Variants in HIVEP1 observed in about 807,000 individuals in gnomAD.
HIVEP1 encodes zinc finger protein 40.
A neutral mutation model predicts 180.0 loss-of-function variants in HIVEP1; 36 were observed. The ratio of observed to expected loss-of-function variants is 0.20; its 90% CI spans 0.15 to 0.26. The LOEUF is 0.26. Ranked by LOEUF, HIVEP1 falls within the 10% of genes least tolerant of loss-of-function variation. The probability of loss-of-function intolerance (pLI) is 1.00; values close to 1 mark genes in which losing one functional copy is unlikely to be tolerated. For synonymous variants in HIVEP1, 1,239 were observed against 1,239.0 expected (o/e 1.00, Z 0.00); for missense variants, 3,143 against 3,268.7 (o/e 0.96, Z 0.94).
chr6:12,198,718 G>T, the HIVEP1 span, among the ~76,000 whole-genome samples: 1 of 152,170 alleles, frequency 6.6e-6, no homozygotes, highest in Admixed American at 6.5e-5. Context: ...TCCTGAGGAG[G>T]CAACAACAGT....
At chr6:12,150,597 T>G (rs1759647555) in intron 7 of HIVEP1, among the ~76,000 whole-genome samples, 1 of 152,180 alleles carries the variant, frequency 6.6e-6, no homozygotes, top group Non-Finnish European at 1.5e-5. Flanking sequence ...ATAGAACACA[T>G]TATTACTCTT....
At chr6:12,071,836 T>A (rs944892626) in intron 2 of HIVEP1, among the ~76,000 whole-genome samples, 9 of 152,368 alleles carry the variant, frequency 5.9e-5, no homozygotes, top group African/African-American at 2.2e-4. Flanking sequence ...AGGGCATTTT[T>A]AGATGAGTTA....
intron 7 of HIVEP1, among the ~76,000 whole-genome samples, chr6:12,147,494 C>G (rs1759448943): frequency 6.6e-6 from 1 of 152,040 alleles, no homozygotes; most frequent in Admixed American, 6.6e-5. Context: ...AATCTGTGAC[C>G]CTTGAATTTT....
chr6:12,024,473 T>C (rs1768452460), intron 2 of HIVEP1, among the ~76,000 whole-genome samples: 1 of 152,220 alleles, frequency 6.6e-6, no homozygotes, highest in African/African-American at 2.4e-5. Flanking sequence ...ACCTACTTAA[T>C]ACAAAGCTTG....
At chr6:12,165,615 T>TA (rs774995320), downstream of HIVEP1, among the ~76,000 whole-genome samples, 31 of 152,258 alleles carry the variant, frequency 2.0e-4, no homozygotes, top group Non-Finnish European at 3.4e-4. Context: ...AGCCCCCAAT[T>TA]ACCAGTGCAG....
chr6:12,141,648 C>T (rs1461331568), intron 7 of HIVEP1, among the ~76,000 whole-genome samples: 2 of 110,912 alleles, frequency 1.8e-5, no homozygotes, highest in African/African-American at 7.1e-5. Context: ...CACATAGACT[C>T]AAAATAAAGG....
intron 2 of HIVEP1, among the ~76,000 whole-genome samples, chr6:12,033,468 G>T (rs62395280): frequency 0.15 from 22,451 of 152,134 alleles, 1,715 homozygotes; most frequent in Admixed American, 0.19. Flanking sequence ...ATCAAAGAAT[G>T]TACTGAGAAA....
chr6:12,195,330 T>C, the HIVEP1 span, among the ~76,000 whole-genome samples: 2 of 152,108 alleles, frequency 1.3e-5, no homozygotes, highest in South Asian at 2.1e-4. Flanking sequence ...TGCAGATAAA[T>C]ACATGAACAG....
rs369207886 is a variant in HIVEP1, at chr6:12,108,434, C to T, written c.95-11456C>T. On this transcript the variant is annotated intron_variant, in intron 3 of 8. Coordinates refer to ENST00000379388, the MANE Select transcript of HIVEP1 (RefSeq NM_002114.4). ...GTCAATGGGACTGGGCGCCATGGAG[C>T]AGGGGGCGGCGCTCATCGGGGAGGC... Among the ~76,000 whole-genome samples, 13 of 152,344 alleles carry T rather than the reference C, an allele frequency of 8.5e-5. No homozygotes were observed. The East Asian group carries it at 1.7e-3, about 20-fold the overall frequency.
chr6:12,046,845 C>CTCTGTGTGTGTGTGTGTGTGTGTG (rs1770155790), intron 2 of HIVEP1, among the ~76,000 whole-genome samples: 2 of 141,006 alleles, frequency 1.4e-5, no homozygotes, highest in Non-Finnish European at 1.5e-5. Context: ...TGCCACTACA[C>CTCTGTGTGTGTGTGTGTGTGTGTG]TGTGTGTGTG....
At chr6:12,143,859 A>G (rs1220507593) in intron 7 of HIVEP1, among the ~76,000 whole-genome samples, 1 of 152,230 alleles carries the variant, frequency 6.6e-6, no homozygotes. Flanking sequence ...AAGGAGAACT[A>G]CAAACCACTG....
intron 7 of HIVEP1, among the ~76,000 whole-genome samples, chr6:12,158,866 G>C (rs1469033204): frequency 6.6e-6 from 1 of 152,134 alleles, no homozygotes; most frequent in Admixed American, 6.5e-5. Flanking sequence ...GTAGTTCCTT[G>C]CCACTCCTCT....
chr6:12,200,933 C>CA, the HIVEP1 span, among the ~76,000 whole-genome samples: 1 of 152,190 alleles, frequency 6.6e-6, no homozygotes, highest in Admixed American at 6.5e-5. Context: ...CCTTGGCACA[C>CA]AACTTGACCT....
At chr6:12,109,132 A>C (rs1316549495) in intron 3 of HIVEP1, among the ~76,000 whole-genome samples, 2 of 150,996 alleles carry the variant, frequency 1.3e-5, no homozygotes, top group African/African-American at 4.9e-5. Flanking sequence ...GGCGCCTGCC[A>C]CCACGCCCGG....
chr6:12,171,331 G>A, the HIVEP1 span, among the ~76,000 whole-genome samples: 2 of 152,172 alleles, frequency 1.3e-5, no homozygotes, highest in African/African-American at 4.8e-5. Flanking sequence ...GGGATTACAG[G>A]CAGAGCCACT....
chr6:12,043,970 G>GTA (rs556497879), intron 2 of HIVEP1, among the ~76,000 whole-genome samples: 300 of 150,126 alleles, frequency 2.0e-3, no homozygotes, highest in Non-Finnish European at 2.1e-3. Context: ...GTGTGGAGGA[G>GTA]TATATGGAGA....
At chr6:12,042,246 AT>A (rs534371025) in intron 2 of HIVEP1, among the ~76,000 whole-genome samples, 2 of 146,120 alleles carry the variant, frequency 1.4e-5, no homozygotes, top group Non-Finnish European at 3.0e-5. Context: ...CGCCTGGCTA[AT>A]TTTTTTTGTA....
At chr6:12,008,128 G>A (rs1767103308), upstream of HIVEP1, 1 of 152,166 alleles carries the variant, frequency 6.6e-6, no homozygotes, top group African/African-American at 2.4e-5. Context: ...GTGTCTGCTA[G>A]TGTCCAGACA....
chr6:12,110,694 A>G (rs1233746351), intron 3 of HIVEP1, among the ~76,000 whole-genome samples: 1 of 152,198 alleles, frequency 6.6e-6, no homozygotes, highest in Non-Finnish European at 1.5e-5. Context: ...TTTTCTTCAT[A>G]TCAGCAATAA....
Sources: allele counts gnomAD v4.1 joint callset (sites outside exome capture counted in the v4.1 genomes callset), GRCh38; gene constraint gnomAD v4.1.1; transcripts MANE v1.5; gene names NCBI Gene and HGNC (gene_info 2026-07-23, HGNC 2026-07-21).